The following POLA1 variants were observed in gnomAD, a reference collection of about 807,000 sequenced individuals.
POLA1 encodes the protein DNA polymerase alpha 1, catalytic subunit.
A neutral mutation model predicts 124.0 loss-of-function variants in POLA1; 15 were observed. That is an observed-to-expected ratio of 0.12 (90% CI 0.08 to 0.19). POLA1 has a LOEUF of 0.19. Among genes scored for constraint, POLA1 ranks in the 10% least tolerant of loss-of-function variants. The probability of loss-of-function intolerance (pLI) is 1.00; values close to 1 mark genes in which losing one functional copy is unlikely to be tolerated. For missense variants in POLA1, 886 were observed against 1,103.4 expected (o/e 0.80, Z 2.79); for synonymous variants, 408 against 389.4 (o/e 1.05, Z -0.56).
intron 36 of POLA1, among the ~76,000 whole-genome samples, chrX:24,947,350 C>T (rs2047979245): frequency 1.1e-5 from 1 of 94,668 alleles, no homozygotes; most frequent in Non-Finnish European, 2.0e-5. Context: ...TCACTGCAGC[C>T]TTGACTCCCC....
At chrX:24,820,774 G>T in intron 30 of POLA1, among the ~76,000 whole-genome samples, 1 of 107,603 alleles carries the variant, frequency 9.3e-6, no homozygotes, top group African/African-American at 3.4e-5. Flanking sequence ...GCAGATGACT[G>T]TGTCTTATTC....
chrX:24,717,527 C>G (rs1461270140), intron 9 of POLA1, 36 bp downstream of exon 9: 15 of 1,199,295 alleles, frequency 1.3e-5, no homozygotes, highest in Non-Finnish European at 1.7e-5. Flanking sequence ...GCAAATAGGA[C>G]CACAATTTTT....
intron 26 of POLA1, among the ~76,000 whole-genome samples, chrX:24,786,286 CA>C (rs2045359270): frequency 9.0e-6 from 1 of 111,540 alleles, no homozygotes; most frequent in African/African-American, 3.3e-5. Flanking sequence ...ACATTGCCAC[CA>C]ATAGTGTACA....
At position 24,812,825 on chromosome X, in the gene POLA1, T is replaced by G; in HGVS notation, c.3258T>G (p.Val1086=). 8.3e-7 allele frequency: 1 copy of G among 1,201,045 alleles called. No individual in the cohort carries two copies. The highest frequency in any genetic ancestry group is 1.1e-6 in the Non-Finnish European group (1 of 886,250). ...AGGAGCTCAAAGGATTAGATATAGT[T>G]AGAAGAGATTGGTGTGATCTTGCTA... is the stretch of plus-strand genomic sequence containing the variant. ...TKQELKGLDI[V]RRDWCDLAKD... is the part of the protein sequence containing the mutation. Residue 1086 remains valine (V), a synonymous_variant, in exon 29 of 37, where the codon GTT becomes GTG. Coordinates refer to ENST00000379068, the MANE Select transcript of POLA1 (RefSeq NM_001330360.2).
At chrX:24,884,101 G>T (rs1397496398) in intron 34 of POLA1, among the ~76,000 whole-genome samples, 1 of 111,266 alleles carries the variant, frequency 9.0e-6, no homozygotes, top group Admixed American at 9.6e-5. Context: ...TATAAGATTT[G>T]CATCATCATG....
intron 26 of POLA1, among the ~76,000 whole-genome samples, chrX:24,788,190 A>C (rs1351823262): frequency 9.0e-6 from 1 of 111,640 alleles, no homozygotes; most frequent in Non-Finnish European, 1.9e-5. Flanking sequence ...CCCCTCAACA[A>C]ATTAGATATG....
chrX:24,913,894 G>A (rs1047865502), intron 35 of POLA1, among the ~76,000 whole-genome samples: 2 of 109,418 alleles, frequency 1.8e-5, no homozygotes, highest in Non-Finnish European at 3.8e-5. Flanking sequence ...CAGGCGTGGT[G>A]GCATGCGTGT....
intron 36 of POLA1, among the ~76,000 whole-genome samples, chrX:24,956,462 T>C (rs1569375569): frequency 9.1e-6 from 1 of 110,043 alleles, no homozygotes; most frequent in Non-Finnish European, 1.9e-5. Flanking sequence ...GAAGGACCAT[T>C]TAAAAAGGGC....
intron 36 of POLA1, among the ~76,000 whole-genome samples, chrX:24,978,856 G>T (rs1199506678): frequency 8.9e-6 from 1 of 112,018 alleles, no homozygotes; most frequent in Non-Finnish European, 1.9e-5. Context: ...TAATGGATCG[G>T]TTGTCATAAC....
chrX:24,913,501 C>A (rs774804388), intron 35 of POLA1, among the ~76,000 whole-genome samples: 4 of 109,322 alleles, frequency 3.7e-5, no homozygotes, highest in African/African-American at 1.3e-4. Context: ...CACCTGAGGT[C>A]GGTAGTTCAA....
At chrX:24,950,774 A>G (rs1243995449) in intron 36 of POLA1, among the ~76,000 whole-genome samples, 2 of 111,974 alleles carry the variant, frequency 1.8e-5, no homozygotes, top group Non-Finnish European at 3.8e-5. Flanking sequence ...CATCAGAAAC[A>G]TGTAGATGAC....
At position 24,737,554 on chromosome X, in the gene POLA1, G is replaced by A; in HGVS notation, c.1924-71G>A. ...GAAAAAGAAAGGGCAAAGAAATTCT[G>A]TGCGTATGAAGATAAATCCTCTAAT... is the stretch of plus-strand genomic sequence containing the variant. On this transcript the variant is annotated intron_variant, in intron 18 of 36. Coordinates refer to ENST00000379068, the MANE Select transcript of POLA1 (RefSeq NM_001330360.2). 8.8e-6 allele frequency: 5 copies of A among 568,658 alleles called. No individual in the cohort carries two copies. The South Asian group carries it at 1.0e-4, about 11-fold the overall frequency. 46.9% of individuals were successfully genotyped at this position (568,658 alleles called of 1,213,427 possible). A position where few individuals can be genotyped will look rare whatever the true frequency, so the allele number is the denominator to read the frequency against.
At chrX:24,924,518 G>A (rs1286384211) in intron 35 of POLA1, among the ~76,000 whole-genome samples, 1 of 111,502 alleles carries the variant, frequency 9.0e-6, no homozygotes, top group African/African-American at 3.3e-5. Flanking sequence ...TGTGGTCCCC[G>A]CCCTCAGCAG....
At chrX:24,735,640 A>G (rs1931225604) in intron 18 of POLA1, 152 bp downstream of exon 18, 1 of 390,066 alleles carries the variant, frequency 2.6e-6, no homozygotes, top group Non-Finnish European at 4.5e-6. Context: ...GGAGAAAAAA[A>G]TAGCAAGCCC....
intron 6 of POLA1, among the ~76,000 whole-genome samples, chrX:24,715,524 T>TA (rs1175397507): frequency 3.6e-5 from 4 of 111,648 alleles, no homozygotes; most frequent in African/African-American, 1.3e-4. Flanking sequence ...TCGAACTCCT[T>TA]ACCTCGTGAT....
intron 4 of POLA1, among the ~76,000 whole-genome samples, chrX:24,705,910 CA>C (rs1289767647): frequency 8.9e-6 from 1 of 112,217 alleles, no homozygotes; most frequent in Non-Finnish European, 1.9e-5. Flanking sequence ...CTTCCCATAT[CA>C]GGGGCATATG....
chrX:24,956,934 A>C (rs1047375927), intron 36 of POLA1, among the ~76,000 whole-genome samples: 2 of 111,806 alleles, frequency 1.8e-5, no homozygotes, highest in Non-Finnish European at 3.8e-5. Flanking sequence ...TAAAATTAAT[A>C]GTACTGATGA....
At chrX:24,866,280 A>G (rs1443962239) in intron 34 of POLA1, among the ~76,000 whole-genome samples, 5 of 111,812 alleles carry the variant, frequency 4.5e-5, no homozygotes, top group East Asian at 2.8e-4. Flanking sequence ...TGTTTTTGTT[A>G]TATTAGTGGC....
rs780053515 is a variant in POLA1 at position 24,704,430 on chromosome X, G to A, written c.307G>A (p.Asp103Asn). The A allele has an allele frequency of 1.1e-5, 13 of 1,204,952 alleles. No individual in the cohort carries two copies. The highest frequency in any genetic ancestry group is 8.8e-5 in the South Asian group (5 of 56,778). ...YVEDGREIFD[D>N]DLEDDALDAD... ...GGAAGATGGCCGAGAGATTTTTGAT[G>A]ATGACCTTGAAGATGATGCCCTTGA... Residue 103 changes from aspartate to asparagine, a missense_variant, in exon 4 of 37, where the codon GAT becomes AAT. Asp to Asn is a conservative substitution (Grantham distance 23). Coordinates refer to ENST00000379068, the MANE Select transcript of POLA1 (RefSeq NM_001330360.2).
Sources: allele counts gnomAD v4.1 joint callset (sites outside exome capture counted in the v4.1 genomes callset), GRCh38; gene constraint gnomAD v4.1.1; transcripts MANE v1.5; gene names NCBI Gene and HGNC (gene_info 2026-07-23, HGNC 2026-07-21).